ZNF101: variants seen among roughly 807,000 people sequenced by gnomAD.
ZNF101 encodes zinc finger protein 101 (Y2).
ZNF101 carries 34 observed loss-of-function variants against 42.6 expected under a neutral mutation model. The ratio of observed to expected loss-of-function variants is 0.80; its 90% CI spans 0.61 to 1.06. The LOEUF (loss-of-function observed/expected upper bound fraction) is 1.06. Among genes scored for constraint, ZNF101 ranks in the 50% least tolerant of loss-of-function variants. ZNF101 has a pLI of 0.00. For synonymous variants in ZNF101, 158 were observed against 183.9 expected, an observed-to-expected ratio of 0.86 and a Z score of 1.14; for missense variants, 466 against 530.9, an observed-to-expected ratio of 0.88 and a Z score of 1.20.
In ZNF101 at chr19:19,679,671, A is replaced by G. The variant is rs1332684926; in HGVS notation, c.682A>G (p.Lys228Glu). The G allele has an allele frequency of 1.2e-6, 2 of 1,614,092 alleles. No individual in the cohort carries two copies. The highest frequency in any genetic ancestry group is 2.7e-5 in the African/African-American group (2 of 75,064). The change falls in exon 4 of 4, where the codon AAA becomes GAA. Residue 228 changes from lysine to glutamate, a missense_variant. Physicochemically the swap from Lys to Glu is moderately conservative, Grantham distance 56. Transcript: ENST00000592502. ...TACTGGAGAAAAACGCTATGAATGT[A>G]AATACTGTGGAAAACCTATCGATTA... is the stretch of plus-strand genomic sequence containing the variant. ...MHTGEKRYECKYCGKPIDYPS... is the reference protein window; with the variant it reads ...MHTGEKRYECEYCGKPIDYPS...
At chr19:19,677,661 CTG>C in intron 1 of ZNF101, 3 of 738,948 alleles carry the variant, frequency 4.1e-6, no homozygotes, top group Non-Finnish European at 5.9e-6. Context: ...TGGTCCTCCT[CTG>C]TGGCTGGCTC....
At chr19:19,675,088 G>C (rs1162047819) in intron 1 of ZNF101, among the ~76,000 whole-genome samples, 1 of 151,974 alleles carries the variant, frequency 6.6e-6, no homozygotes, top group Non-Finnish European at 1.5e-5. Flanking sequence ...CCAAAGTGCT[G>C]AGGTTACAGG....
chr19:19,678,881 G>C (rs2062219306), intron 3 of ZNF101, 95 bp downstream of exon 3: 1 of 1,164,910 alleles, frequency 8.6e-7, no homozygotes, highest in African/African-American at 1.6e-5. Flanking sequence ...TAAGTACAAT[G>C]TTAGGTTTTT....
chr19:19,674,414 G>A (rs1158954128), intron 1 of ZNF101, among the ~76,000 whole-genome samples: 8 of 152,224 alleles, frequency 5.3e-5, no homozygotes, highest in Admixed American at 3.3e-4. Context: ...CACCTCAAGT[G>A]ATCTACTCGC....
chr19:19,671,739 T>A (rs1023890837), intron 1 of ZNF101, among the ~76,000 whole-genome samples: 5 of 152,126 alleles, frequency 3.3e-5, no homozygotes, highest in African/African-American at 1.2e-4. Context: ...GACCTCGTGA[T>A]CCGCCCGCCT....
chr19:19,682,682 A>AT lies in ZNF101; in HGVS notation c.*2389dup, dbSNP rs1408863444. 1 of 151,756 alleles carries AT rather than the reference A, an allele frequency of 6.6e-6. No individual in the cohort carries two copies. The highest frequency in any genetic ancestry group is 6.6e-5 in the Admixed American group (1 of 15,202). The allele number at this position is 151,756 out of a possible 1,614,324, so 9.4% of individuals were successfully genotyped here. ...TTTTTTTCTATCCATTTTGGTTTTC[A>AT]TTTTTTTCTATCCATTTTAAAGTGT... On this transcript the variant is annotated 3_prime_UTR_variant, in exon 4 of 4. Coordinates refer to ENST00000592502, the MANE Select transcript of ZNF101 (RefSeq NM_033204.4).
intron 1 of ZNF101, chr19:19,672,120 A>T (rs969953295): frequency 1.4e-5 from 2 of 148,124 alleles, no homozygotes; most frequent in African/African-American, 4.9e-5. Flanking sequence ...ATATATATTT[A>T]TAAGTTGTAT....
At chr19:19,671,478 A>G (rs371064645) in intron 1 of ZNF101, among the ~76,000 whole-genome samples, 30 of 151,708 alleles carry the variant, frequency 2.0e-4, no homozygotes, top group African/African-American at 7.0e-4. Context: ...CGTAATATTA[A>G]TACCATCACC....
chr19:19,678,086 T>C (rs2062213825), intron 2 of ZNF101, 96 bp downstream of exon 2: 5 of 1,541,274 alleles, frequency 3.2e-6, no homozygotes, highest in Middle Eastern at 3.5e-4. Flanking sequence ...AGAGAATACG[T>C]TGGTGAATAA....
In ZNF101 at chr19:19,679,811, A is replaced by G. The variant is rs1247521806; in HGVS notation, c.822A>G (p.Arg274=). ...GTTACCTTCGGACACATGAAATCAGATCTCACGCGCTGGAGAAATCCCACC... is the reference window on the plus strand; with the variant it reads ...GTTACCTTCGGACACATGAAATCAGGTCTCACGCGCTGGAGAAATCCCACC... ...SAGYLRTHEI[R]SHALEKSHQC... Residue 274 remains arginine, a synonymous_variant, in exon 4 of 4, where the codon AGA becomes AGG. Coordinates refer to ENST00000592502, the MANE Select transcript of ZNF101 (RefSeq NM_033204.4). 1.2e-6 allele frequency: 2 copies of G among 1,613,938 alleles called. No homozygotes were observed. The highest frequency in any genetic ancestry group is 1.7e-5 in the Admixed American group (1 of 59,968).
In ZNF101 at chr19:19,679,660, G is replaced by T. The variant is rs148650417; in HGVS notation, c.671G>T (p.Arg224Leu). The T allele has an allele frequency of 3.7e-6, 6 of 1,613,552 alleles. No individual in the cohort carries two copies. In the African/African-American group the frequency reaches 8.0e-5, roughly 22 times the overall value. ...GGAAAAATGCATACTGGAGAAAAAC[G>T]CTATGAATGTAAATACTGTGGAAAA... Reference protein sequence around the residue: ...KHGKMHTGEKRYECKYCGKPI... With the variant: ...KHGKMHTGEKLYECKYCGKPI... Residue 224 changes from arginine to leucine, a missense_variant, in exon 4 of 4, where the codon CGC becomes CTC. Arg to Leu is a moderately radical substitution (Grantham distance 102). Coordinates refer to ENST00000592502, the MANE Select transcript of ZNF101 (RefSeq NM_033204.4).
rs187363565 is a variant in ZNF101, at chr19:19,681,273, G to A, written c.*973G>A. On this transcript the variant is annotated 3_prime_UTR_variant, in exon 4 of 4. Transcript: ENST00000592502. ...CCAGTTCTATTCAGAGCCATAAAAG[G>A]ACTCATACTGGAGAAAAATTGTAGA... 1 of 152,248 alleles carries A rather than the reference G, an allele frequency of 6.6e-6. No homozygotes were observed. Among genetic ancestry groups the A allele is most frequent in the East Asian group, 1.9e-4 (1 of 5,186 alleles). 9.4% of individuals were successfully genotyped at this position (152,248 alleles called of 1,614,324 possible). A position where few individuals can be genotyped will look rare whatever the true frequency, so the allele number is the denominator to read the frequency against.
chr19:19,679,838 A>C lies in ZNF101; in HGVS notation c.849A>C (p.Gln283His). The C allele has an allele frequency of 6.2e-7, 1 of 1,614,024 alleles. No individual in the cohort carries two copies. The highest frequency in any genetic ancestry group is 1.3e-5 in the African/African-American group (1 of 74,994). The change falls in exon 4 of 4, where the codon CAA becomes CAC. Residue 283 changes from glutamine (Q) to histidine (H), a missense_variant. Coordinates refer to ENST00000592502, the MANE Select transcript of ZNF101 (RefSeq NM_033204.4). The stretch of plus-strand genomic sequence containing the variant: ...CTCACGCGCTGGAGAAATCCCACCA[A>C]TGTCAGGAATGTGGGAAAAAACTCA... ...IRSHALEKSH[Q>H]CQECGKKLSC...
intron 1 of ZNF101, 35 bp downstream of exon 1, chr19:19,669,001 G>A: frequency 6.4e-7 from 1 of 1,573,136 alleles, no homozygotes; most frequent in South Asian, 1.2e-5. Flanking sequence ...GGAGACCTGA[G>A]GAGGAGCTGG....
intron 1 of ZNF101, among the ~76,000 whole-genome samples, chr19:19,670,420 G>T (rs150392440): frequency 6.6e-6 from 1 of 152,110 alleles, no homozygotes; most frequent in Admixed American, 6.6e-5. Flanking sequence ...TTTATTTTTT[G>T]TAGAGACAAG....
intron 2 of ZNF101, among the ~76,000 whole-genome samples, 169 bp downstream of exon 2, chr19:19,678,159 C>T (rs557498827): frequency 1.3e-5 from 2 of 149,530 alleles, no homozygotes; most frequent in South Asian, 2.1e-4. Flanking sequence ...TGGGAAGCCA[C>T]GGTGGGAAGA....
At position 19,679,295 on chromosome 19, in the gene ZNF101, C is replaced by T; in HGVS notation, c.306C>T (p.Cys102=). The T allele has an allele frequency of 6.2e-7, 1 of 1,614,156 alleles. No individual in the cohort carries two copies. The highest frequency in any genetic ancestry group is 8.5e-7 in the Non-Finnish European group (1 of 1,180,034). The change falls in exon 4 of 4, where the codon TGC becomes TGT. Residue 102 remains cysteine (C), a synonymous_variant. Transcript: ENST00000592502. Reference sequence around the variant, plus strand: ...AAAGTCAAACTGGAGTGAAACCATGCAAATGCAGCGTGTGTGGGAAAGTCT... The same window carrying T: ...AAAGTCAAACTGGAGTGAAACCATGTAAATGCAGCGTGTGTGGGAAAGTCT... ...NKKSQTGVKP[C]KCSVCGKVFL...
chr19:19,669,298 C>T (rs1024438636), intron 1 of ZNF101, among the ~76,000 whole-genome samples: 3 of 152,144 alleles, frequency 2.0e-5, no homozygotes, highest in Non-Finnish European at 4.4e-5. Context: ...CCTGTGGGGT[C>T]CCCAGTTCCT....
intron 1 of ZNF101, among the ~76,000 whole-genome samples, chr19:19,674,974 C>T (rs1358403700): frequency 1.3e-5 from 2 of 151,690 alleles, no homozygotes; most frequent in African/African-American, 4.8e-5. Context: ...GTGCCTGCCT[C>T]CATGCCAGCC....
Sources: allele counts gnomAD v4.1 joint callset (sites outside exome capture counted in the v4.1 genomes callset), GRCh38; gene constraint gnomAD v4.1.1; transcripts MANE v1.5; gene names NCBI Gene and HGNC (gene_info 2026-07-23, HGNC 2026-07-21).